The following ADAMTS2 variants were observed in gnomAD, a reference collection of about 807,000 sequenced individuals.
ADAMTS2 encodes A disintegrin and metalloproteinase with thrombospondin motifs 2.
In ADAMTS2, 50 loss-of-function variants were observed where a neutral mutation model predicts 123.0. The observed-to-expected ratio is 0.41, with a 90% CI of 0.32 to 0.51. The LOEUF is 0.51. ADAMTS2 is among the 20% of genes least tolerant of loss of function. The pLI, the probability that ADAMTS2 is intolerant of heterozygous loss-of-function variation, is 0.35. For synonymous variants in ADAMTS2, 678 were observed against 695.4 expected (o/e 0.98, Z 0.39); for missense variants, 1,494 against 1,705.2 (o/e 0.88, Z 2.18).
rs1225881412 is a variant in ADAMTS2, at chr5:179,332,911, T to C, written c.534+10856A>G. 6.6e-6 allele frequency among the ~76,000 whole-genome samples: 1 copy of C among 152,116 alleles called. No homozygotes were observed. The highest frequency in any genetic ancestry group is 2.4e-5 in the African/African-American group (1 of 41,428). ...GATCAGTGCTCAACGCCCATGGAGC[T>C]CCAGGTGGCCGCCAAGTGTGGACAG... On this transcript the variant is annotated intron_variant, in intron 2 of 21. Transcript: ENST00000251582. This position sits in a 1 kb window ranked among gnomAD's most constrained non-coding sequence, Gnocchi z 4.2.
chr5:179,329,079 G>GCA (rs1188631831), intron 2 of ADAMTS2, among the ~76,000 whole-genome samples: 2 of 152,182 alleles, frequency 1.3e-5, no homozygotes, highest in African/African-American at 2.4e-5. Context: ...TGCAATCCCA[G>GCA]CACTTTGGGA....
At chr5:179,265,320 G>A (rs979307020) in intron 3 of ADAMTS2, among the ~76,000 whole-genome samples, 2 of 152,230 alleles carry the variant, frequency 1.3e-5, no homozygotes, top group African/African-American at 2.4e-5. Flanking sequence ...AAACCATGTC[G>A]GGAGGGGAGA....
chr5:179,196,338 G>A (rs7721833), intron 4 of ADAMTS2, among the ~76,000 whole-genome samples: 2,441 of 152,320 alleles, frequency 0.016, 83 homozygotes, highest in African/African-American at 0.055. Context: ...TGAAGGCGCA[G>A]AAGATCCTTG....
At chr5:179,213,920 G>A (rs1764917193) in intron 3 of ADAMTS2, among the ~76,000 whole-genome samples, 1 of 152,240 alleles carries the variant, frequency 6.6e-6, no homozygotes. Flanking sequence ...ATTTATTCCA[G>A]ACAAGTCTGA....
intron 3 of ADAMTS2, among the ~76,000 whole-genome samples, chr5:179,211,878 C>A (rs2113384852): frequency 6.6e-6 from 1 of 152,314 alleles, no homozygotes; most frequent in South Asian, 2.1e-4. Flanking sequence ...CATCCAATCC[C>A]CTCGCCAAGG....
intron 4 of ADAMTS2, among the ~76,000 whole-genome samples, chr5:179,198,415 G>A (rs1391084852): frequency 2.0e-5 from 3 of 152,222 alleles, no homozygotes; most frequent in African/African-American, 4.8e-5. Context: ...CCCTTAGACG[G>A]GGGAATGTGG....
chr5:179,216,033 A>ATTTC (rs1764971228), intron 3 of ADAMTS2, among the ~76,000 whole-genome samples: 1 of 152,272 alleles, frequency 6.6e-6, no homozygotes, highest in Non-Finnish European at 1.5e-5. Context: ...AGCTACTGAA[A>ATTTC]GGTGTGCACC....
In ADAMTS2 at chr5:179,130,049, G is replaced by A. The variant is rs759662545; in HGVS notation, c.2340C>T (p.Asp780=). The A allele has an allele frequency of 4.3e-6, 7 of 1,614,146 alleles. No homozygotes were observed. The highest frequency in any genetic ancestry group is 1.3e-5 in the African/African-American group (1 of 75,060). Residue 780 remains aspartate, a synonymous_variant, in exon 16 of 22, where the codon GAC becomes GAT. Coordinates refer to ENST00000251582, the MANE Select transcript of ADAMTS2 (RefSeq NM_014244.5). This position sits in a 1 kb window ranked among gnomAD's most constrained non-coding sequence, Gnocchi z 4.3. ...TGKFILNEEN[D]VDASSKTFIA... is the part of the protein sequence containing the mutation. Reference sequence around the variant, plus strand: ...TGAAGGTTTTGGAACTGGCATCCACGTCATTCTCTTCATTTAAGATGAACT... The same window carrying A: ...TGAAGGTTTTGGAACTGGCATCCACATCATTCTCTTCATTTAAGATGAACT...
chr5:179,296,891 T>C (rs781718713), intron 2 of ADAMTS2, among the ~76,000 whole-genome samples: 41 of 151,986 alleles, frequency 2.7e-4, no homozygotes, highest in South Asian at 2.1e-4. Context: ...CAGACTGAGA[T>C]GGAACAAACA....
intron 10 of ADAMTS2, among the ~76,000 whole-genome samples, chr5:179,140,915 T>C (rs1763154934): frequency 6.7e-6 from 1 of 149,806 alleles, no homozygotes. Context: ...TTCTCTTGCC[T>C]CAGCCTCCCG....
At chr5:179,177,649 G>A (rs1050646588) in intron 5 of ADAMTS2, among the ~76,000 whole-genome samples, 14 of 152,134 alleles carry the variant, frequency 9.2e-5, no homozygotes, top group African/African-American at 2.2e-4. Flanking sequence ...CAGGATCTCC[G>A]TGTCCCTGGC....
chr5:179,224,069 C>T lies in ADAMTS2; in HGVS notation c.689-16354G>A, dbSNP rs187504332. Reference sequence around the variant, plus strand: ...GGTAGGACGAGGCGCAGCGTGGATGCGGGCGGATTGTCTGTATCTCCTTGG... The same window carrying T: ...GGTAGGACGAGGCGCAGCGTGGATGTGGGCGGATTGTCTGTATCTCCTTGG... On this transcript the variant is annotated intron_variant, in intron 3 of 21. Coordinates refer to ENST00000251582, the MANE Select transcript of ADAMTS2 (RefSeq NM_014244.5). 2.0e-4 allele frequency among the ~76,000 whole-genome samples: 30 copies of T among 152,304 alleles called. No homozygotes were observed. The East Asian group carries it at 2.1e-3, about 11-fold the overall frequency.
At chr5:179,179,144 A>AC (rs1268964693) in intron 5 of ADAMTS2, among the ~76,000 whole-genome samples, 1 of 145,002 alleles carries the variant, frequency 6.9e-6, no homozygotes, top group Non-Finnish European at 1.6e-5. Flanking sequence ...ACAGGGTTTC[A>AC]CCACGTTAGC....
At chr5:179,140,309 G>A (rs1000235892) in intron 10 of ADAMTS2, among the ~76,000 whole-genome samples, 1 of 152,230 alleles carries the variant, frequency 6.6e-6, no homozygotes, top group African/African-American at 2.4e-5. Flanking sequence ...CCCCTCAGCT[G>A]GAAGCTGCAC....
intron 2 of ADAMTS2, among the ~76,000 whole-genome samples, chr5:179,302,397 A>T (rs1254342711): frequency 6.7e-6 from 1 of 150,248 alleles, no homozygotes; most frequent in Admixed American, 6.6e-5. Flanking sequence ...AAAAAAAAAA[A>T]AAAAAAAAAA....
At chr5:179,245,304 G>T (rs1009937684) in intron 3 of ADAMTS2, among the ~76,000 whole-genome samples, 9 of 152,116 alleles carry the variant, frequency 5.9e-5, no homozygotes, top group African/African-American at 2.2e-4. Context: ...GACCCAGAAG[G>T]AACAAAACCC....
rs544241379 is a variant in ADAMTS2, at chr5:179,260,929, C to T, written c.688+11982G>A. Among the ~76,000 whole-genome samples, 1 of 152,248 alleles carries T rather than the reference C, an allele frequency of 6.6e-6. No homozygotes were observed. The highest frequency in any genetic ancestry group is 2.1e-4 in the South Asian group (1 of 4,822). ...GACTACCGTGCCTATTAAATGACAC[C>T]ATGAAGAGTGCCCACCTTCGCGCAG... On this transcript the variant is annotated intron_variant, in intron 3 of 21. Transcript: ENST00000251582. The surrounding 1 kb of genome is among the most constrained non-coding windows in gnomAD (Gnocchi z 4.2).
rs1763368906 is a variant in ADAMTS2, at chr5:179,152,042, GC to G, written c.1629+99del. ...AGGGCAGCAGAGGTCCCCTGAGAGG[GC>G]CCCCACCCCCACTTCAGGGCCTGTC... On this transcript the variant is annotated intron_variant, in intron 10 of 21. Transcript: ENST00000251582. 3.7e-6 allele frequency: 4 copies of G among 1,086,228 alleles called. No individual in the cohort carries two copies. The East Asian group carries it at 1.0e-4, about 27-fold the overall frequency. 67.3% of individuals were successfully genotyped at this position (1,086,228 alleles called of 1,614,324 possible).
At chr5:179,191,385 C>A (rs982874457) in intron 4 of ADAMTS2, among the ~76,000 whole-genome samples, 3 of 152,224 alleles carry the variant, frequency 2.0e-5, no homozygotes, top group Non-Finnish European at 4.4e-5. Context: ...GGCATCCCCC[C>A]ACACGCCCGT....
Sources: allele counts gnomAD v4.1 joint callset (sites outside exome capture counted in the v4.1 genomes callset), GRCh38; gene constraint gnomAD v4.1.1; non-coding constraint Gnocchi (gnomAD v3.1); transcripts MANE v1.5; gene names NCBI Gene and HGNC (gene_info 2026-07-23, HGNC 2026-07-21).